The following GRIK2 variants were observed in gnomAD, a reference collection of about 807,000 sequenced individuals.
The protein encoded by GRIK2 is glutamate receptor ionotropic, kainate 2.
A neutral mutation model predicts 100.3 loss-of-function variants in GRIK2; 32 were observed. That is an observed-to-expected ratio of 0.32 (90% CI 0.24 to 0.43). The LOEUF (loss-of-function observed/expected upper bound fraction) is 0.43. Among genes scored for constraint, GRIK2 ranks in the 20% least tolerant of loss-of-function variants. GRIK2 has a pLI of 1.00. For synonymous variants in GRIK2, 417 were observed against 389.4 expected (o/e 1.07, Z -0.83); for missense variants, 843 against 1,114.9 (o/e 0.76, Z 3.47).
chr6:102,064,297 CTTCTCCTCT>C (rs1266016583), intron 16 of GRIK2, among the ~76,000 whole-genome samples: 3 of 149,498 alleles, frequency 2.0e-5, no homozygotes, highest in Non-Finnish European at 4.5e-5. Context: ...CCTTCTCCTC[CTTCTCCTCT>C]CCTTCTCCTC....
intron 2 of GRIK2, among the ~76,000 whole-genome samples, chr6:101,580,594 A>G (rs1023559315): frequency 3.3e-5 from 5 of 152,120 alleles, no homozygotes; most frequent in African/African-American, 4.8e-5. Context: ...TAAAGTGTGA[A>G]TGGCACTATA....
chr6:101,735,680 A>G (rs1775584551), intron 7 of GRIK2, among the ~76,000 whole-genome samples: 1 of 152,160 alleles, frequency 6.6e-6, no homozygotes, highest in South Asian at 2.1e-4. Context: ...GATTCCTCCT[A>G]TAACACATGG....
chr6:102,051,836 T>A (rs1405415048), intron 15 of GRIK2, among the ~76,000 whole-genome samples: 1 of 152,190 alleles, frequency 6.6e-6, no homozygotes, highest in Non-Finnish European at 1.5e-5. Flanking sequence ...TCCTTAGTGT[T>A]TTCTAATTAA....
intron 11 of GRIK2, among the ~76,000 whole-genome samples, chr6:101,876,484 AACACACACACACAC>A (rs34929195): frequency 6.7e-6 from 1 of 148,800 alleles, no homozygotes; most frequent in African/African-American, 2.5e-5. Context: ...AACAAAAACA[AACACACACACACAC>A]ACACACACAC....
chr6:101,408,712 G>A (rs1270020376), intron 2 of GRIK2, among the ~76,000 whole-genome samples: 2 of 151,972 alleles, frequency 1.3e-5, no homozygotes, highest in African/African-American at 4.8e-5. Flanking sequence ...CCCACATTAC[G>A]GAGGGCAATC....
intron 2 of GRIK2, among the ~76,000 whole-genome samples, chr6:101,615,140 C>T (rs1779835770): frequency 6.6e-6 from 1 of 151,656 alleles, no homozygotes; most frequent in South Asian, 2.1e-4. Flanking sequence ...ATTCTCCTCT[C>T]CTTCTTTTTT....
intron 7 of GRIK2, among the ~76,000 whole-genome samples, chr6:101,759,673 C>A (rs1350270922): frequency 6.6e-6 from 1 of 151,760 alleles, no homozygotes; most frequent in African/African-American, 2.4e-5. Context: ...GTGTATTAAC[C>A]AGCCAACATT....
chr6:101,766,255 A>G (rs954812604), intron 7 of GRIK2, among the ~76,000 whole-genome samples: 1 of 151,998 alleles, frequency 6.6e-6, no homozygotes, highest in Admixed American at 6.6e-5. Context: ...AACCTGAAAA[A>G]AAAAATTGTA....
At chr6:101,663,136 A>G (rs1165177788) in intron 4 of GRIK2, among the ~76,000 whole-genome samples, 2 of 152,166 alleles carry the variant, frequency 1.3e-5, no homozygotes, top group East Asian at 1.9e-4. Context: ...AAGCTCTTTC[A>G]TCAATGTCAA....
chr6:101,940,828 C>T (rs758230666), intron 14 of GRIK2, among the ~76,000 whole-genome samples: 2 of 152,118 alleles, frequency 1.3e-5, no homozygotes, highest in Non-Finnish European at 2.9e-5. Context: ...ACATGTAATA[C>T]ATCTAGTGCA....
intron 2 of GRIK2, among the ~76,000 whole-genome samples, chr6:101,544,628 T>C (rs1776151005): frequency 6.6e-6 from 1 of 152,224 alleles, no homozygotes; most frequent in Admixed American, 6.5e-5. Flanking sequence ...CTTTATGCTA[T>C]GTCTAAGTTT....
At chr6:101,902,654 T>C (rs977645401) in intron 12 of GRIK2, among the ~76,000 whole-genome samples, 6 of 151,962 alleles carry the variant, frequency 3.9e-5, no homozygotes. Flanking sequence ...TCTTAATTAT[T>C]GAGTTTTCAA....
At chr6:101,849,262 C>T (rs1019188692) in intron 10 of GRIK2, among the ~76,000 whole-genome samples, 13 of 151,822 alleles carry the variant, frequency 8.6e-5, no homozygotes, top group Admixed American at 3.9e-4. Flanking sequence ...ACTAACCCAA[C>T]GAAAAAGGGC....
chr6:102,015,284 G>T (rs891153597), intron 14 of GRIK2, among the ~76,000 whole-genome samples: 1 of 151,162 alleles, frequency 6.6e-6, no homozygotes, highest in Non-Finnish European at 1.5e-5. Context: ...TGTTTCTCTT[G>T]CTTGGTAGAT....
intron 12 of GRIK2, among the ~76,000 whole-genome samples, chr6:101,917,418 G>A (rs1789189695): frequency 6.6e-6 from 1 of 151,664 alleles, no homozygotes; most frequent in Non-Finnish European, 1.5e-5. Context: ...GAAAAGTTGA[G>A]CATAGCTGAA....
intron 2 of GRIK2, among the ~76,000 whole-genome samples, chr6:101,500,364 TA>T (rs1312384758): frequency 1.7e-4 from 26 of 152,248 alleles, no homozygotes; most frequent in Admixed American, 8.5e-4. Flanking sequence ...GTGAATAAGA[TA>T]TTTTTTTAAA....
intron 12 of GRIK2, among the ~76,000 whole-genome samples, chr6:101,915,065 A>T (rs1217471313): frequency 6.6e-6 from 1 of 151,502 alleles, no homozygotes; most frequent in African/African-American, 2.4e-5. Flanking sequence ...TAGCTAGGAA[A>T]ATCTTTTCCT....
intron 2 of GRIK2, among the ~76,000 whole-genome samples, chr6:101,435,929 T>A (rs1769690598): frequency 6.6e-6 from 1 of 152,156 alleles, no homozygotes; most frequent in Non-Finnish European, 1.5e-5. Flanking sequence ...TACACATGAA[T>A]AATTGCAGTG....
chr6:101,838,654 C>CTTT (rs3055065), intron 10 of GRIK2, among the ~76,000 whole-genome samples: 12,239 of 143,826 alleles, frequency 0.085, 1,476 homozygotes, highest in African/African-American at 0.27. Context: ...ATTAATACAA[C>CTTT]TTTTTTTTTT....
Sources: gnomAD v4.1 joint callset for allele counts (sites outside exome capture counted in the v4.1 genomes callset) on GRCh38, gnomAD v4.1.1 for gene constraint, MANE v1.5 for transcripts, NCBI Gene and HGNC (gene_info 2026-07-23, HGNC 2026-07-21) for gene names.